The following SYTL3 variants were observed in gnomAD, a reference collection of about 807,000 sequenced individuals.
SYTL3 encodes synaptotagmin-like protein 3.
In SYTL3, 88 loss-of-function variants were observed where a neutral mutation model predicts 82.1. That is an observed-to-expected ratio of 1.07 (90% CI 0.90 to 1.28). SYTL3 has a LOEUF of 1.28. Ranked by LOEUF, SYTL3 falls within the 50% of genes most tolerant of loss-of-function variation. The pLI is 0.00. For missense variants in SYTL3, 831 were observed against 757.6 expected, an observed-to-expected ratio of 1.10 and a Z score of -1.14; for synonymous variants, 311 against 289.4, an observed-to-expected ratio of 1.07 and a Z score of -0.76.
intron 6 of SYTL3, among the ~76,000 whole-genome samples, chr6:158,705,412 A>C (rs1781938310): frequency 1.4e-5 from 2 of 145,550 alleles, no homozygotes; most frequent in Admixed American, 1.4e-4. Flanking sequence ...CACGTAGGAC[A>C]GGAGGAACCC....
At chr6:158,718,038 C>T (rs1404722050) in intron 9 of SYTL3, 49 bp from the exon 10 acceptor site, 2 of 1,460,250 alleles carry the variant, frequency 1.4e-6, no homozygotes, top group South Asian at 2.9e-5. Flanking sequence ...CCACAAGTCT[C>T]AGCAAAGCTG....
At chr6:158,684,730 C>T (rs1001847468) in intron 6 of SYTL3, among the ~76,000 whole-genome samples, 1 of 150,340 alleles carries the variant, frequency 6.7e-6, no homozygotes, top group African/African-American at 2.5e-5. Flanking sequence ...TGATATTCAG[C>T]TTTTATAAAG....
intron 11 of SYTL3, among the ~76,000 whole-genome samples, chr6:158,734,963 C>A (rs779070163): frequency 2.0e-5 from 3 of 152,198 alleles, no homozygotes; most frequent in Non-Finnish European, 4.4e-5. Context: ...AAGCGACTTG[C>A]TGAGGTCCTG....
intron 11 of SYTL3, among the ~76,000 whole-genome samples, chr6:158,733,652 A>C (rs1177942780): frequency 6.6e-6 from 1 of 151,740 alleles, no homozygotes; most frequent in Admixed American, 6.6e-5. Flanking sequence ...AAAAAGTTTT[A>C]AGTTGTTAGC....
chr6:158,754,675 A>C (rs369442925), intron 13 of SYTL3, among the ~76,000 whole-genome samples: 2 of 152,196 alleles, frequency 1.3e-5, no homozygotes, highest in African/African-American at 4.8e-5. Context: ...AGCTGAGATC[A>C]CACCACTGCA....
chr6:158,715,627 A>AT (rs1562414100), intron 9 of SYTL3, among the ~76,000 whole-genome samples: 1 of 122,508 alleles, frequency 8.2e-6, no homozygotes, highest in African/African-American at 3.9e-5. Flanking sequence ...GCACGCACCC[A>AT]GCACCCCCCA....
chr6:158,763,781 C>A (rs554777400), intron 17 of SYTL3, among the ~76,000 whole-genome samples: 1 of 152,206 alleles, frequency 6.6e-6, no homozygotes, highest in African/African-American at 2.4e-5. Flanking sequence ...GCTTTTGTTT[C>A]TGGCGTCAAT....
chr6:158,750,310 G>A (rs3123093), intron 12 of SYTL3, among the ~76,000 whole-genome samples: 86,950 of 152,024 alleles, frequency 0.57, 26,106 homozygotes, highest in African/African-American at 0.7. Flanking sequence ...GGGCAGGACT[G>A]TGATAGGGAA....
chr6:158,732,208 A>G (rs1785493920), intron 11 of SYTL3, among the ~76,000 whole-genome samples: 1 of 152,140 alleles, frequency 6.6e-6, no homozygotes, highest in African/African-American at 2.4e-5. Context: ...CAGTCCTTAA[A>G]TCCATATATC....
intron 16 of SYTL3, among the ~76,000 whole-genome samples, chr6:158,762,916 CAAAA>C (rs1303903456): frequency 6.6e-6 from 1 of 151,950 alleles, no homozygotes; most frequent in African/African-American, 2.4e-5. Context: ...AACTCCGTCT[CAAAA>C]AAAGGAGAAC....
chr6:158,688,193 C>A (rs1779489678), intron 6 of SYTL3, among the ~76,000 whole-genome samples: 1 of 152,158 alleles, frequency 6.6e-6, no homozygotes, highest in Non-Finnish European at 1.5e-5. Context: ...GTGAGTATAT[C>A]ACTGTATTTG....
chr6:158,664,840 T>C (rs569869738), intron 4 of SYTL3, among the ~76,000 whole-genome samples: 20 of 152,154 alleles, frequency 1.3e-4, no homozygotes, highest in Non-Finnish European at 2.2e-4. Flanking sequence ...TGACACCTTT[T>C]TGGTCCAATA....
At chr6:158,653,946 A>G (rs957596792) in intron 2 of SYTL3, among the ~76,000 whole-genome samples, 6 of 152,126 alleles carry the variant, frequency 3.9e-5, no homozygotes, top group African/African-American at 1.4e-4. Flanking sequence ...AGAATAAACA[A>G]TGTGTCCCTT....
At chr6:158,745,186 G>A (rs1361946208) in intron 11 of SYTL3, among the ~76,000 whole-genome samples, 1 of 151,066 alleles carries the variant, frequency 6.6e-6, no homozygotes, top group Non-Finnish European at 1.5e-5. Flanking sequence ...AATTGCATAG[G>A]AGCTAGTCCA....
chr6:158,760,740 A>G lies in SYTL3; in HGVS notation c.1409A>G (p.Gln470Arg), dbSNP rs1488089127. The change falls in exon 15 of 18, where the codon CAA becomes CGA. Residue 470 changes from glutamine (Q) to arginine (R), a missense_variant. Transcript: ENST00000611299. ...PSRPRKLQEA[Q>R]EGTDQPSLHG... The stretch of plus-strand genomic sequence containing the variant: ...CGGCCCAGAAAACTCCAAGAGGCTC[A>G]AGAAGGTCAGTGGCCTCCAGCTCCC... The G allele has an allele frequency of 1.2e-6, 2 of 1,612,864 alleles. No individual in the cohort carries two copies. Among genetic ancestry groups the G allele is most frequent in the Non-Finnish European group, 1.7e-6 (2 of 1,178,874 alleles).
intron 7 of SYTL3, 60 bp downstream of exon 7, chr6:158,707,341 T>G: frequency 6.7e-7 from 1 of 1,502,158 alleles, no homozygotes; most frequent in East Asian, 2.3e-5. Flanking sequence ...CAGAGGACAC[T>G]CTGCAAGAAC....
At chr6:158,726,446 A>G (rs1784727789) in intron 11 of SYTL3, 1 of 194,296 alleles carries the variant, frequency 5.1e-6, no homozygotes, top group African/African-American at 2.4e-5. Flanking sequence ...CTCAAGCCGT[A>G]GAATTATGCC....
At chr6:158,693,367 A>G (rs981177578) in intron 6 of SYTL3, among the ~76,000 whole-genome samples, 2 of 152,092 alleles carry the variant, frequency 1.3e-5, no homozygotes, top group African/African-American at 4.8e-5. Context: ...ACAGGCATGC[A>G]CCACTACACC....
chr6:158,725,808 T>C, intron 11 of SYTL3, 171 bp downstream of exon 11: 2 of 952,092 alleles, frequency 2.1e-6, no homozygotes, highest in Non-Finnish European at 3.2e-6. Flanking sequence ...CCACAGGTTT[T>C]AGTAAAGTTG....
Sources: allele counts gnomAD v4.1 joint callset (sites outside exome capture counted in the v4.1 genomes callset), GRCh38; gene constraint gnomAD v4.1.1; transcripts MANE v1.5; gene names NCBI Gene and HGNC (gene_info 2026-07-23, HGNC 2026-07-21).